Variants in CFAP299 observed in about 807,000 individuals in gnomAD.
CFAP299 encodes the protein cilia- and flagella-associated protein 299.
CFAP299 carries 21 observed loss-of-function variants against 27.0 expected under a neutral mutation model. The ratio of observed to expected loss-of-function variants is 0.78; its 90% CI spans 0.55 to 1.12. The LOEUF (loss-of-function observed/expected upper bound fraction) is 1.12. Ranked by LOEUF, CFAP299 falls within the 50% of genes most tolerant of loss-of-function variation. CFAP299 has a pLI of 0.00. For synonymous variants in CFAP299, 104 were observed against 98.1 expected (o/e 1.06, Z -0.36); for missense variants, 310 against 276.6 (o/e 1.12, Z -0.86).
intron 3 of CFAP299, among the ~76,000 whole-genome samples, chr4:80,691,787 A>G (rs1376210873): frequency 2.0e-5 from 3 of 152,222 alleles, no homozygotes; most frequent in Non-Finnish European, 2.9e-5. Flanking sequence ...TTGTATATCT[A>G]GAAAACCCCA....
chr4:80,741,170 T>C (rs1724242546), intron 3 of CFAP299, among the ~76,000 whole-genome samples: 1 of 141,476 alleles, frequency 7.1e-6, no homozygotes, highest in Non-Finnish European at 1.5e-5. Context: ...GAACAGAGCA[T>C]GTCTCAGGGT....
At chr4:80,952,328 A>G (rs764621387) in intron 5 of CFAP299, among the ~76,000 whole-genome samples, 2 of 152,194 alleles carry the variant, frequency 1.3e-5, no homozygotes, top group East Asian at 3.8e-4. Context: ...AAAATATTTT[A>G]GGGTCTTAGG....
intron 2 of CFAP299, among the ~76,000 whole-genome samples, chr4:80,436,410 T>C (rs971091632): frequency 1.3e-5 from 2 of 151,752 alleles, no homozygotes; most frequent in African/African-American, 4.8e-5. Flanking sequence ...GCCATTCTCC[T>C]GCCTCAGCAT....
intron 3 of CFAP299, among the ~76,000 whole-genome samples, chr4:80,672,125 A>G (rs996975508): frequency 1.3e-5 from 2 of 152,178 alleles, no homozygotes; most frequent in African/African-American, 4.8e-5. Flanking sequence ...ATTCAGTATA[A>G]TATTGGCTGT....
At chr4:80,718,724 C>T (rs1404855767) in intron 3 of CFAP299, among the ~76,000 whole-genome samples, 1 of 151,748 alleles carries the variant, frequency 6.6e-6, no homozygotes, top group African/African-American at 2.4e-5. Context: ...GTCCTTTCAC[C>T]TGTAAATTAA....
At chr4:80,589,623 A>C (rs967877312) in intron 3 of CFAP299, among the ~76,000 whole-genome samples, 1 of 152,204 alleles carries the variant, frequency 6.6e-6, no homozygotes, top group African/African-American at 2.4e-5. Context: ...AATCCAATCA[A>C]CAACTGAACA....
chr4:80,441,666 G>A (rs1728362702), intron 2 of CFAP299, among the ~76,000 whole-genome samples: 1 of 152,130 alleles, frequency 6.6e-6, no homozygotes, highest in African/African-American at 2.4e-5. Flanking sequence ...AAAATCACCA[G>A]CTAGCATCAT....
At chr4:80,907,835 C>T (rs1418383323) in intron 4 of CFAP299, among the ~76,000 whole-genome samples, 1 of 152,068 alleles carries the variant, frequency 6.6e-6, no homozygotes, top group Non-Finnish European at 1.5e-5. Flanking sequence ...AAGAAATTTC[C>T]TGACAGTGTT....
intron 2 of CFAP299, among the ~76,000 whole-genome samples, chr4:80,561,638 C>G (rs1268173808): frequency 6.6e-6 from 1 of 151,840 alleles, no homozygotes; most frequent in South Asian, 2.1e-4. Context: ...AGCAGAAATT[C>G]TGGAGGTGAA....
At chr4:80,630,405 A>T (rs1560666645) in intron 3 of CFAP299, among the ~76,000 whole-genome samples, 1 of 152,202 alleles carries the variant, frequency 6.6e-6, no homozygotes, top group Admixed American at 6.5e-5. Flanking sequence ...GAAAATTCAC[A>T]TCATGCTTTA....
chr4:80,908,491 G>C (rs1181099349), intron 4 of CFAP299, among the ~76,000 whole-genome samples: 2 of 152,132 alleles, frequency 1.3e-5, no homozygotes, highest in East Asian at 1.9e-4. Context: ...GAAAAAATTA[G>C]TGGAGAGGTG....
intron 3 of CFAP299, among the ~76,000 whole-genome samples, chr4:80,758,822 T>C (rs916948998): frequency 1.3e-5 from 2 of 152,158 alleles, no homozygotes; most frequent in Non-Finnish European, 1.5e-5. Context: ...CAGAATATTA[T>C]ATATCAAAGA....
At chr4:80,668,364 A>G (rs1033759595) in intron 3 of CFAP299, among the ~76,000 whole-genome samples, 2 of 152,098 alleles carry the variant, frequency 1.3e-5, no homozygotes, top group African/African-American at 4.8e-5. Context: ...AATGTTTTGC[A>G]CAAAAATTCA....
chr4:80,656,297 A>G (rs1281223136), intron 3 of CFAP299, among the ~76,000 whole-genome samples: 1 of 152,152 alleles, frequency 6.6e-6, no homozygotes, highest in African/African-American at 2.4e-5. Context: ...ACATAGGTAT[A>G]CACGTGCCAT....
intron 3 of CFAP299, among the ~76,000 whole-genome samples, chr4:80,774,777 T>G (rs1348762757): frequency 6.6e-6 from 1 of 152,082 alleles, no homozygotes; most frequent in African/African-American, 2.4e-5. Context: ...AGTTTGGCAG[T>G]ATGTCTTTAA....
intron 2 of CFAP299, among the ~76,000 whole-genome samples, chr4:80,396,445 A>G (rs1192881838): frequency 6.6e-6 from 1 of 152,094 alleles, no homozygotes; most frequent in Non-Finnish European, 1.5e-5. Flanking sequence ...TATATTTACA[A>G]TTTTCAGTTA....
upstream of CFAP299, among the ~76,000 whole-genome samples, chr4:80,333,964 A>G (rs780836395): frequency 6.6e-6 from 1 of 152,218 alleles, no homozygotes; most frequent in Admixed American, 6.5e-5. Context: ...AAGTTTAGAA[A>G]AGGACAATTG....
chr4:80,633,624 G>C (rs1007897651), intron 3 of CFAP299, among the ~76,000 whole-genome samples: 1 of 151,984 alleles, frequency 6.6e-6, no homozygotes, highest in African/African-American at 2.4e-5. Flanking sequence ...TGGCTTTAGG[G>C]GTTTAGATAT....
At chr4:80,615,938 C>T (rs973746796) in intron 3 of CFAP299, among the ~76,000 whole-genome samples, 18 of 152,242 alleles carry the variant, frequency 1.2e-4, no homozygotes, top group African/African-American at 4.3e-4. Flanking sequence ...CTCTCACCTC[C>T]GTTCATTCCT....
Sources: gnomAD v4.1 joint callset for allele counts (sites outside exome capture counted in the v4.1 genomes callset) on GRCh38, gnomAD v4.1.1 for gene constraint, MANE v1.5 for transcripts, NCBI Gene and HGNC (gene_info 2026-07-23, HGNC 2026-07-21) for gene names.